TLK1: variants seen among roughly 807,000 people sequenced by gnomAD.
The protein encoded by TLK1 is tousled like kinase 1, also known as serine/threonine-protein kinase tousled-like 1.
Under a neutral mutation model 105.3 loss-of-function variants are expected in TLK1, and 24 were observed. That is an observed-to-expected ratio of 0.23 (90% CI 0.17 to 0.32). The LOEUF (loss-of-function observed/expected upper bound fraction) is 0.32. TLK1 is among the 10% of genes least tolerant of loss of function. The pLI is 1.00. For missense variants in TLK1, 558 were observed against 910.5 expected (o/e 0.61, Z 4.98); for synonymous variants, 321 against 310.4 (o/e 1.03, Z -0.36).
chr2:171,106,473 CAATT>C (rs758773364), intron 2 of TLK1, among the ~76,000 whole-genome samples: 73 of 152,122 alleles, frequency 4.8e-4, no homozygotes, highest in Non-Finnish European at 9.3e-4. Context: ...ATTACTCTAT[CAATT>C]AAAAACAATA....
At chr2:171,053,630 G>A (rs911888913) in intron 8 of TLK1, 131 bp downstream of exon 8, 2 of 638,682 alleles carry the variant, frequency 3.1e-6, no homozygotes, top group Admixed American at 5.9e-5. Context: ...CAAAGTGCTG[G>A]GATTACAGGC....
chr2:171,127,531 T>C (rs1056220251), intron 1 of TLK1, among the ~76,000 whole-genome samples: 7 of 152,166 alleles, frequency 4.6e-5, no homozygotes, highest in South Asian at 2.1e-4. Context: ...TAAATGAACA[T>C]GTTAGTTAAA....
At chr2:171,148,837 G>A (rs1348555048) in intron 1 of TLK1, among the ~76,000 whole-genome samples, 1 of 147,342 alleles carries the variant, frequency 6.8e-6, no homozygotes, top group African/African-American at 2.5e-5. Flanking sequence ...CCGAGATCGT[G>A]CCACTACACT....
At chr2:171,194,073 A>T (rs60838537) in intron 1 of TLK1, among the ~76,000 whole-genome samples, 16,576 of 152,032 alleles carry the variant, frequency 0.11, 1,351 homozygotes, top group African/African-American at 0.23. Flanking sequence ...GTTCAAAAAA[A>T]TTTTCCCTTT....
At chr2:171,080,867 C>CACA (rs549999592) in intron 3 of TLK1, among the ~76,000 whole-genome samples, 88 of 152,106 alleles carry the variant, frequency 5.8e-4, no homozygotes, top group Middle Eastern at 3.4e-3. Flanking sequence ...GGCACCATAC[C>CACA]CAGCTAACTT....
rs576506010 is a variant in TLK1, at chr2:171,226,030, C to G, written c.-6+5115G>C. Among the ~76,000 whole-genome samples the G allele has an allele frequency of 8.5e-5, 13 of 152,130 alleles. No individual in the cohort carries two copies. The South Asian group carries it at 2.3e-3, about 27-fold the overall frequency. On this transcript the variant is annotated intron_variant, in intron 1 of 20. Coordinates refer to the TLK1 transcript ENST00000521943. Reference sequence around the variant, plus strand: ...AAATCGATATAATACTCTCTCACCACCCCCCTAATATTCTCCTGTGAGTAT... The same window carrying G: ...AAATCGATATAATACTCTCTCACCAGCCCCCTAATATTCTCCTGTGAGTAT...
At chr2:171,077,028 A>G (rs1688547182) in intron 3 of TLK1, among the ~76,000 whole-genome samples, 1 of 152,160 alleles carries the variant, frequency 6.6e-6, no homozygotes, top group Admixed American at 6.5e-5. Flanking sequence ...ACATGACCAT[A>G]TTTCTAACTC....
rs1693619589 is a variant in TLK1 at position 171,211,734 on chromosome 2, G to T, written c.-6+19411C>A. On this transcript the variant is annotated intron_variant, in intron 1 of 20. Transcript: ENST00000521943. ...CAGGCTAATTTTTGTATTTTTAGTA[G>T]AGATGGAGTTTCACCATGTTGGTCA... is the stretch of plus-strand genomic sequence containing the variant. Among the ~76,000 whole-genome samples the T allele has an allele frequency of 2.0e-5, 3 of 152,038 alleles. No homozygotes were observed. In the South Asian group the frequency reaches 6.2e-4, roughly 31 times the overall value.
At chr2:171,129,493 G>C (rs1268021088) in intron 1 of TLK1, among the ~76,000 whole-genome samples, 1 of 152,128 alleles carries the variant, frequency 6.6e-6, no homozygotes, top group Admixed American at 6.6e-5. Context: ...TTTGTAAGAA[G>C]TCCAAGTTGA....
At chr2:171,220,163 T>G (rs1693781516) in intron 1 of TLK1, among the ~76,000 whole-genome samples, 1 of 152,206 alleles carries the variant, frequency 6.6e-6, no homozygotes, top group Admixed American at 6.5e-5. Flanking sequence ...AAGACCCTTT[T>G]TCCATATAAG....
chr2:171,044,529 A>G (rs547304045), intron 11 of TLK1, among the ~76,000 whole-genome samples: 1 of 152,342 alleles, frequency 6.6e-6, no homozygotes, highest in East Asian at 1.9e-4. Flanking sequence ...AGGATGTGAT[A>G]TTCAAGACTG....
chr2:171,085,867 A>G (rs576703077), intron 2 of TLK1, among the ~76,000 whole-genome samples: 110 of 152,340 alleles, frequency 7.2e-4, no homozygotes, highest in African/African-American at 2.5e-3. Context: ...GACTAAATGC[A>G]TGCAAAGTTA....
chr2:171,076,128 G>A (rs1185433082), intron 3 of TLK1, among the ~76,000 whole-genome samples: 1 of 151,920 alleles, frequency 6.6e-6, no homozygotes, highest in Non-Finnish European at 1.5e-5. Context: ...TGAAGGAGGA[G>A]ACTCGCTTGA....
intron 3 of TLK1, among the ~76,000 whole-genome samples, chr2:171,068,017 T>C (rs1392927954): frequency 6.6e-6 from 1 of 151,938 alleles, no homozygotes; most frequent in Non-Finnish European, 1.5e-5. Context: ...AGAAAAAAAG[T>C]GATCTTTTTT....
intron 3 of TLK1, among the ~76,000 whole-genome samples, chr2:171,069,620 A>G (rs900302640): frequency 6.6e-6 from 1 of 152,192 alleles, no homozygotes; most frequent in Non-Finnish European, 1.5e-5. Context: ...CAATAATGTT[A>G]AGGGTGAGAA....
chr2:171,118,166 T>C (rs1575607727), intron 1 of TLK1, among the ~76,000 whole-genome samples: 1 of 152,158 alleles, frequency 6.6e-6, no homozygotes, highest in Non-Finnish European at 1.5e-5. Context: ...TGCAATGCAG[T>C]AGTAAGAGTC....
At chr2:171,200,384 A>G (rs1693375164) in intron 1 of TLK1, among the ~76,000 whole-genome samples, 1 of 152,210 alleles carries the variant, frequency 6.6e-6, no homozygotes, top group Non-Finnish European at 1.5e-5. Flanking sequence ...GTTTGGAATT[A>G]TCTTTATCAT....
chr2:171,151,082 C>T (rs977636042), intron 1 of TLK1, among the ~76,000 whole-genome samples: 13 of 151,550 alleles, frequency 8.6e-5, no homozygotes, highest in South Asian at 4.2e-4. Flanking sequence ...AGTGTAGTGG[C>T]GTAATCACGG....
At chr2:171,118,171 A>G (rs1690512884) in intron 1 of TLK1, among the ~76,000 whole-genome samples, 1 of 152,206 alleles carries the variant, frequency 6.6e-6, no homozygotes, top group Non-Finnish European at 1.5e-5. Context: ...TGCAGTAGTA[A>G]GAGTCCTGTA....
Sources: gnomAD v4.1 joint callset for allele counts (sites outside exome capture counted in the v4.1 genomes callset) on GRCh38, gnomAD v4.1.1 for gene constraint, MANE v1.5 for transcripts, NCBI Gene and HGNC (gene_info 2026-07-23, HGNC 2026-07-21) for gene names.